Variants in SRSF7 observed in about 807,000 individuals in gnomAD.
SRSF7 encodes the protein serine and arginine rich splicing factor 7.
SRSF7 carries 15 observed loss-of-function variants against 42.2 expected under a neutral mutation model. The ratio of observed to expected loss-of-function variants is 0.36; its 90% CI spans 0.24 to 0.55. The LOEUF (loss-of-function observed/expected upper bound fraction) is 0.55. SRSF7 is among the 20% of genes least tolerant of loss of function. The pLI is 0.88. For synonymous variants in SRSF7, 138 were observed against 107.9 expected, an observed-to-expected ratio of 1.28 and a Z score of -1.73; for missense variants, 181 against 305.9, an observed-to-expected ratio of 0.59 and a Z score of 3.04.
Position 38,744,978 on chromosome 2 carries a change from A to T in SRSF7, c.*155T>A. 1.5e-6 allele frequency: 1 copy of T among 685,874 alleles called. No individual in the cohort carries two copies. Among genetic ancestry groups the T allele is most frequent in the Non-Finnish European group, 2.3e-6 (1 of 429,414 alleles). The allele number at this position is 685,874 out of a possible 1,614,324, so 42.5% of individuals were successfully genotyped here. ...GATGTTAATACATTCAACAAAATTT[A>T]TATTATCTTACTGCTGTGAATTTAC... On this transcript the variant is annotated 3_prime_UTR_variant, in exon 8 of 8. Transcript: ENST00000313117.
chr2:38,749,301 G>A (rs972232839), intron 3 of SRSF7: 4 of 1,491,420 alleles, frequency 2.7e-6, no homozygotes, highest in Admixed American at 2.0e-5. Flanking sequence ...GATATCATAA[G>A]GCTCGTGACA....
At chr2:38,747,757 T>C (rs1183573126) in intron 5 of SRSF7, among the ~76,000 whole-genome samples, 2 of 152,172 alleles carry the variant, frequency 1.3e-5, no homozygotes, top group Non-Finnish European at 2.9e-5. Context: ...TATCATCCAA[T>C]CTGAAGCCAG....
intron 5 of SRSF7, chr2:38,747,211 C>G: frequency 5.1e-6 from 2 of 394,314 alleles, no homozygotes; most frequent in South Asian, 1.8e-5. Flanking sequence ...AAGCCGCCCC[C>G]CATTTGTAAG....
At chr2:38,751,450 G>T, upstream of SRSF7, 1 of 707,650 alleles carries the variant, frequency 1.4e-6, no homozygotes, top group African/African-American at 1.8e-5. Flanking sequence ...CAAAGGAGCT[G>T]GGCGGAAACA....
chr2:38,751,193 C>T, intron 1 of SRSF7, 36 bp downstream of exon 1: 1 of 1,613,850 alleles, frequency 6.2e-7, no homozygotes. Context: ...TCACTACACC[C>T]ACACCAACGT....
In SRSF7 at chr2:38,744,096, T is replaced by C; in HGVS notation, c.*1037A>G. 2.4e-4 allele frequency: 37 copies of C among 152,646 alleles called. No homozygotes were observed. The highest frequency in any genetic ancestry group is 9.2e-4 in the Admixed American group (14 of 15,292). The allele number at this position is 152,646 out of a possible 1,614,324, so 9.5% of individuals were successfully genotyped here. ...TACATGGAGTGTTGCTAAATATAGC[T>C]GAGATTTACAAAACCACTTTAGTCT... On this transcript the variant is annotated 3_prime_UTR_variant, in exon 8 of 8. Transcript: ENST00000313117.
At chr2:38,747,622 T>C (rs866195797) in intron 5 of SRSF7, among the ~76,000 whole-genome samples, 3 of 152,314 alleles carry the variant, frequency 2.0e-5, no homozygotes, top group Admixed American at 6.5e-5. Flanking sequence ...TAGTCAACTT[T>C]CCAGTGTCTC....
At chr2:38,747,240 G>T (rs1241288729) in intron 5 of SRSF7, 6 of 338,666 alleles carry the variant, frequency 1.8e-5, no homozygotes, top group Non-Finnish European at 3.7e-5. Flanking sequence ...CCTGGATCAA[G>T]TTATGTTTGA....
At chr2:38,747,441 G>A (rs752877446) in intron 5 of SRSF7, among the ~76,000 whole-genome samples, 8 of 152,190 alleles carry the variant, frequency 5.3e-5, no homozygotes, top group African/African-American at 1.7e-4. Context: ...CGTTGGTACA[G>A]ATAACAATAT....
intron 7 of SRSF7, 57 bp from the exon 8 acceptor site, chr2:38,745,244 A>C: frequency 6.4e-7 from 1 of 1,569,692 alleles, no homozygotes; most frequent in Admixed American, 1.7e-5. Flanking sequence ...ACTCTCATGT[A>C]CATGTACTAA....
At chr2:38,745,617 T>C (rs2148476354) in intron 7 of SRSF7, among the ~76,000 whole-genome samples, 1 of 151,520 alleles carries the variant, frequency 6.6e-6, no homozygotes, top group South Asian at 2.1e-4. Flanking sequence ...ATTGAGCCAC[T>C]GCACTCCAAG....
chr2:38,748,833 T>G, intron 3 of SRSF7, 180 bp from the exon 4 acceptor site: 1 of 1,316,678 alleles, frequency 7.6e-7, no homozygotes, highest in South Asian at 1.6e-5. Flanking sequence ...AAAGATTTGT[T>G]AAAAGCTGAA....
intron 5 of SRSF7, chr2:38,747,164 C>T: frequency 4.3e-6 from 2 of 462,912 alleles, no homozygotes; most frequent in Non-Finnish European, 8.9e-6. Flanking sequence ...GACCCCTGAA[C>T]TGAGACTAAT....
At chr2:38,747,990 TCTA>T (rs943438075) in intron 5 of SRSF7, 54 bp downstream of exon 5, 1 of 1,277,624 alleles carries the variant, frequency 7.8e-7, no homozygotes, top group Non-Finnish European at 1.1e-6. Context: ...CTTAAGACAC[TCTA>T]CTGATAAGAT....
intron 1 of SRSF7, 189 bp downstream of exon 1, chr2:38,751,040 G>A (rs532764969): frequency 7.4e-6 from 5 of 678,396 alleles, no homozygotes; most frequent in East Asian, 2.8e-5. Context: ...GAACTCGGCA[G>A]AGATGTACAC....
chr2:38,746,198 T>C lies in SRSF7; in HGVS notation c.627-19A>G, dbSNP rs769145477. The C allele has an allele frequency of 3.1e-6, 5 of 1,613,786 alleles. No homozygotes were observed. In the African/African-American group the frequency reaches 4.0e-5, roughly 13 times the overall value. On this transcript the variant is annotated intron_variant, in intron 6 of 7. Coordinates refer to ENST00000313117, the MANE Select transcript of SRSF7 (RefSeq NM_001031684.3). ...TGATCGGCTGTCAAAACATGAGAAA[T>C]TCTATTAAAGAAAGAGTACTAACCA...
chr2:38,749,763 T>TTTTA (rs1332668661), intron 2 of SRSF7, 58 bp from the exon 3 acceptor site: 22 of 1,454,356 alleles, frequency 1.5e-5, no homozygotes, highest in Non-Finnish European at 1.9e-5. Flanking sequence ...GACTTATAGA[T>TTTTA]TTAAAAAGAA....
chr2:38,747,916 T>A (rs1336811720), intron 5 of SRSF7, 131 bp downstream of exon 5: 5 of 595,944 alleles, frequency 8.4e-6, no homozygotes, highest in African/African-American at 1.9e-5. Flanking sequence ...TGTTACAAGT[T>A]ACACATAAAT....
At position 38,743,619 on chromosome 2, in the gene SRSF7, G is replaced by A. The variant is rs1170505845; in HGVS notation, c.*1514C>T. The A allele has an allele frequency of 6.6e-6, 1 of 152,598 alleles. No homozygotes were observed. The highest frequency in any genetic ancestry group is 1.5e-5 in the Non-Finnish European group (1 of 68,034). The allele number at this position is 152,598 out of a possible 1,614,324, so 9.5% of individuals were successfully genotyped here. A position where few individuals can be genotyped will look rare whatever the true frequency, so the allele number is the denominator to read the frequency against. On this transcript the variant is annotated 3_prime_UTR_variant, in exon 8 of 8. Coordinates refer to ENST00000313117, the MANE Select transcript of SRSF7 (RefSeq NM_001031684.3). Reference sequence around the variant, plus strand: ...CAGGATTATTTGTTCAATCTCTGCAGATTTATTGTTGAGTAAACTTATCTT... The same window carrying A: ...CAGGATTATTTGTTCAATCTCTGCAAATTTATTGTTGAGTAAACTTATCTT...
Sources: gnomAD v4.1 joint callset for allele counts (sites outside exome capture counted in the v4.1 genomes callset) on GRCh38, gnomAD v4.1.1 for gene constraint, MANE v1.5 for transcripts, NCBI Gene and HGNC (gene_info 2026-07-23, HGNC 2026-07-21) for gene names.